The following KCNH8 variants were observed in gnomAD, a reference collection of about 807,000 sequenced individuals.
KCNH8 encodes the protein voltage-gated delayed rectifier potassium channel KCNH8.
Under a neutral mutation model 103.6 loss-of-function variants are expected in KCNH8, and 70 were observed. The observed-to-expected ratio is 0.68, with a 90% CI of 0.56 to 0.82. KCNH8 has a LOEUF of 0.82. Among genes scored for constraint, KCNH8 ranks in the 40% least tolerant of loss-of-function variants. KCNH8 has a pLI of 0.00. For missense variants in KCNH8, 1,217 were observed against 1,329.9 expected, an observed-to-expected ratio of 0.92 and a Z score of 1.32; for synonymous variants, 498 against 489.4, an observed-to-expected ratio of 1.02 and a Z score of -0.23.
chr3:19,480,635 C>G (rs535888474), intron 11 of KCNH8, among the ~76,000 whole-genome samples: 8 of 152,196 alleles, frequency 5.3e-5, no homozygotes, highest in Non-Finnish European at 8.8e-5. Flanking sequence ...TACAATAGCA[C>G]TTTTCACTTC....
At chr3:19,203,218 C>T (rs1372377391) in intron 1 of KCNH8, among the ~76,000 whole-genome samples, 1 of 152,038 alleles carries the variant, frequency 6.6e-6, no homozygotes, top group Non-Finnish European at 1.5e-5. Context: ...TTGAAAATAT[C>T]TTGAGAAATG....
chr3:19,479,983 C>T lies in KCNH8; in HGVS notation c.2040+23001C>T, dbSNP rs555970953. Among the ~76,000 whole-genome samples, 43 of 152,274 alleles carry T rather than the reference C, an allele frequency of 2.8e-4. 1 individual carries two copies. In the South Asian group the frequency reaches 5.4e-3, roughly 19 times the overall value. ...AGTCAGAAAGAAGAGTCTTATAATA[C>T]ACGTCTCACTTCCCAATTGAGCATT... On this transcript the variant is annotated intron_variant, in intron 11 of 15. Transcript: ENST00000328405.
rs1393242746 is a variant in KCNH8 at position 19,281,320 on chromosome 3, A to G, written c.433A>G (p.Lys145Glu). ...DTKVKITPED[K>E]KEDKVKGRSR... ...AAAAGTGAAGATTACTCCAGAAGATAAAAAAGAAGGTTTGTACCGTTTTCA... is the reference window on the plus strand; with the variant it reads ...AAAAGTGAAGATTACTCCAGAAGATGAAAAAGAAGGTTTGTACCGTTTTCA... Residue 145 changes from lysine (K) to glutamate (E), a missense_variant, in exon 3 of 16, where the codon AAA (lysine) becomes GAA (glutamate). This residue lies in a region of KCNH8 where 244 missense variants were observed against 256.8 expected (regional missense o/e 0.95). Coordinates refer to ENST00000328405, the MANE Select transcript of KCNH8 (RefSeq NM_144633.3). 2 of 1,600,650 alleles carry G rather than the reference A, an allele frequency of 1.2e-6. No individual in the cohort carries two copies. The highest frequency in any genetic ancestry group is 1.7e-6 in the Non-Finnish European group (2 of 1,175,468).
chr3:19,360,182 G>A (rs779738567), intron 5 of KCNH8, among the ~76,000 whole-genome samples: 8 of 152,036 alleles, frequency 5.3e-5, no homozygotes, highest in Non-Finnish European at 1.2e-4. Context: ...CTAGGATTCA[G>A]CATTTATTCT....
chr3:19,212,480 A>G (rs1559425084), intron 1 of KCNH8, among the ~76,000 whole-genome samples: 5 of 152,150 alleles, frequency 3.3e-5, no homozygotes. Flanking sequence ...CTGGGTAGTA[A>G]TTTATTCTTA....
intron 1 of KCNH8, among the ~76,000 whole-genome samples, chr3:19,212,083 G>A (rs1013611593): frequency 1.3e-5 from 2 of 151,096 alleles, no homozygotes; most frequent in Non-Finnish European, 2.9e-5. Flanking sequence ...CTTTATTCAT[G>A]GTGTTCCTTC....
chr3:19,365,900 A>T (rs1376283979), intron 5 of KCNH8, among the ~76,000 whole-genome samples: 1 of 152,036 alleles, frequency 6.6e-6, no homozygotes, highest in African/African-American at 2.4e-5. Flanking sequence ...AGAAGCAATC[A>T]ACTGTATCTC....
rs1575520842 is a variant in KCNH8 at position 19,315,637 on chromosome 3, A to G, written c.443-26950A>G. Among the ~76,000 whole-genome samples the G allele has an allele frequency of 3.9e-5, 6 of 152,122 alleles. 1 individual carries two copies. The South Asian group carries it at 1.2e-3, about 32-fold the overall frequency. ...GTTAATAGTCTATTAGTAGTTGGCT[A>G]CTATGTTGGCCCATCTGGAATGCTT... On this transcript the variant is annotated intron_variant, in intron 3 of 15. Transcript: ENST00000328405.
chr3:19,407,202 A>G (rs1051717805), intron 7 of KCNH8, among the ~76,000 whole-genome samples: 13 of 152,206 alleles, frequency 8.5e-5, no homozygotes, highest in Middle Eastern at 3.2e-3. Context: ...GATAATATTT[A>G]CAACAAGTAA....
In KCNH8 at chr3:19,412,299, C is replaced by G. The variant is rs116837866; in HGVS notation, c.1177+16988C>G. On this transcript the variant is annotated intron_variant, in intron 7 of 15. Coordinates refer to ENST00000328405, the MANE Select transcript of KCNH8 (RefSeq NM_144633.3). ...CAGAAATAAGCAATGGGGGAAAAGA[C>G]TCCCTATTCAGTAAAATGGTGCTGG... Among the ~76,000 whole-genome samples the G allele has an allele frequency of 7.5e-3, 1,139 of 152,032 alleles. 4 individuals carry two copies. The highest frequency in any genetic ancestry group is 0.016 in the Admixed American group (237 of 15,240).
intron 11 of KCNH8, among the ~76,000 whole-genome samples, chr3:19,492,624 TTTG>T (rs749093096): frequency 4.3e-4 from 66 of 152,218 alleles, no homozygotes; most frequent in Non-Finnish European, 8.2e-4. Flanking sequence ...CAGCTTCATT[TTTG>T]TTGTTGTTGT....
At chr3:19,203,434 G>A (rs1232106264) in intron 1 of KCNH8, among the ~76,000 whole-genome samples, 1 of 151,900 alleles carries the variant, frequency 6.6e-6, no homozygotes, top group African/African-American at 2.4e-5. Context: ...TATTAAAATT[G>A]AGAACATATT....
chr3:19,205,051 G>A (rs1456657603), intron 1 of KCNH8, among the ~76,000 whole-genome samples: 1 of 151,904 alleles, frequency 6.6e-6, no homozygotes, highest in Non-Finnish European at 1.5e-5. Context: ...TGTTTATGCT[G>A]TCTATTCGCT....
chr3:19,335,483 GTATATATA>G (rs3067331), intron 3 of KCNH8, among the ~76,000 whole-genome samples: 70 of 141,280 alleles, frequency 5.0e-4, no homozygotes, highest in African/African-American at 7.2e-4. Flanking sequence ...ATATGTGTGT[GTATATATA>G]TATATATATA....
At chr3:19,403,452 C>G (rs1465141167) in intron 7 of KCNH8, among the ~76,000 whole-genome samples, 3 of 147,514 alleles carry the variant, frequency 2.0e-5, no homozygotes, top group Admixed American at 1.4e-4. Flanking sequence ...CTATTACCCC[C>G]ATCATGGAAG....
intron 1 of KCNH8, among the ~76,000 whole-genome samples, chr3:19,199,246 T>C (rs1019870760): frequency 1.3e-5 from 2 of 152,166 alleles, no homozygotes; most frequent in Non-Finnish European, 2.9e-5. Flanking sequence ...TTCTACCCTT[T>C]GTTTTTCATC....
rs2064195468 is a variant in KCNH8, at chr3:19,245,665, A to G, written c.77-7989A>G. Among the ~76,000 whole-genome samples, 3 of 151,948 alleles carry G rather than the reference A, an allele frequency of 2.0e-5. No individual in the cohort carries two copies. In the South Asian group the frequency reaches 6.2e-4, roughly 32 times the overall value. ...TGGTAGAGATTTTTTTTAACTCTTT[A>G]GTTAGTTGTATTCATGGGTATTTTA... On this transcript the variant is annotated intron_variant, in intron 1 of 15. Transcript: ENST00000328405.
intron 3 of KCNH8, among the ~76,000 whole-genome samples, chr3:19,313,701 A>G (rs919824641): frequency 2.1e-5 from 3 of 144,394 alleles, no homozygotes; most frequent in Non-Finnish European, 4.6e-5. Flanking sequence ...ATTCATTTGG[A>G]AAAAAAAAAA....
At chr3:19,169,864 T>G (rs532854012) in intron 1 of KCNH8, among the ~76,000 whole-genome samples, 1 of 152,350 alleles carries the variant, frequency 6.6e-6, no homozygotes, top group East Asian at 1.9e-4. Context: ...TGAGAAGTTG[T>G]ATATCATTTT....
Sources: allele counts gnomAD v4.1 joint callset (sites outside exome capture counted in the v4.1 genomes callset), GRCh38; gene constraint gnomAD v4.1.1; regional missense constraint gnomAD v4.1.1; transcripts MANE v1.5; gene names NCBI Gene and HGNC (gene_info 2026-07-23, HGNC 2026-07-21).